Variants in CADM2 observed in about 807,000 individuals in gnomAD.
CADM2 encodes cell adhesion molecule 2, also known as immunoglobulin superfamily member 4D.
Under a neutral mutation model 49.8 loss-of-function variants are expected in CADM2, and 12 were observed. That is an observed-to-expected ratio of 0.24 (90% CI 0.15 to 0.39). The LOEUF (loss-of-function observed/expected upper bound fraction) is 0.39, where lower values mean the gene tolerates loss of function less well. CADM2 is among the 10% of genes least tolerant of loss of function. The probability of loss-of-function intolerance (pLI) is 1.00; values close to 1 mark genes in which losing one functional copy is unlikely to be tolerated. For synonymous variants in CADM2, 214 were observed against 175.4 expected (o/e 1.22, Z -1.74); for missense variants, 378 against 492.3 (o/e 0.77, Z 2.20).
chr3:85,294,458 C>A (rs953112563), intron 1 of CADM2, among the ~76,000 whole-genome samples: 4 of 151,796 alleles, frequency 2.6e-5, no homozygotes, highest in Non-Finnish European at 4.4e-5. Flanking sequence ...TCATATGGAA[C>A]CAAAAAAGAG....
chr3:85,355,096 C>G (rs1043750806), intron 1 of CADM2, among the ~76,000 whole-genome samples: 2 of 152,026 alleles, frequency 1.3e-5, no homozygotes, highest in Non-Finnish European at 2.9e-5. Context: ...CCTCATTGTG[C>G]ACACTCTGTG....
At chr3:85,665,814 T>C (rs1268762972) in intron 1 of CADM2, among the ~76,000 whole-genome samples, 1 of 151,996 alleles carries the variant, frequency 6.6e-6, no homozygotes, top group African/African-American at 2.4e-5. Flanking sequence ...TCCCGTCGTT[T>C]CCAACCTCAT....
chr3:85,385,668 G>A (rs183084962), intron 1 of CADM2: 12 of 151,012 alleles, frequency 7.9e-5, no homozygotes, highest in African/African-American at 2.9e-4. Flanking sequence ...TTTTAATTAT[G>A]TTCAACATTG....
chr3:85,835,165 C>T (rs889587437), intron 3 of CADM2, among the ~76,000 whole-genome samples: 1 of 151,532 alleles, frequency 6.6e-6, no homozygotes, highest in African/African-American at 2.4e-5. Flanking sequence ...TCTGCCACAG[C>T]TCTGGTATTT....
intron 1 of CADM2, among the ~76,000 whole-genome samples, chr3:85,397,415 A>G (rs2034845569): frequency 6.6e-6 from 1 of 152,202 alleles, no homozygotes; most frequent in Non-Finnish European, 1.5e-5. Context: ...GGAGATGGTC[A>G]GACACTTGTA....
chr3:86,048,267 T>C (rs1452164564), intron 8 of CADM2, among the ~76,000 whole-genome samples: 1 of 152,032 alleles, frequency 6.6e-6, no homozygotes, highest in Non-Finnish European at 1.5e-5. Flanking sequence ...TGTGTATATA[T>C]ATATGTACAG....
chr3:86,013,656 G>A (rs1731832108), intron 8 of CADM2: 6 of 1,603,152 alleles, frequency 3.7e-6, no homozygotes, highest in Admixed American at 1.7e-5. Flanking sequence ...CATAGCAGGG[G>A]AAGAGCACCT....
rs761282533 is a variant in CADM2, at chr3:85,961,624, C to T, written c.947C>T (p.Ala316Val). ...EATNTIGQSSAEYVLIVHDPN... is the reference protein window; with the variant it reads ...EATNTIGQSSVEYVLIVHDPN... ...ACAAACACCATTGGCCAAAGCAGTG[C>T]GGAATATGTTCTCATTGTGCATGGT... is the stretch of plus-strand genomic sequence containing the variant. Residue 316 changes from alanine (A) to valine (V), a missense_variant, in exon 8 of 10, where the codon GCG becomes GTG. Ala to Val is a moderately conservative substitution (Grantham distance 64). Coordinates refer to ENST00000383699, the MANE Select transcript of CADM2 (RefSeq NM_001167675.2). 1.9e-6 allele frequency: 3 copies of T among 1,584,414 alleles called. No homozygotes were observed. Among genetic ancestry groups the T allele is most frequent in the Non-Finnish European group, 2.6e-6 (3 of 1,160,094 alleles).
In CADM2 at chr3:85,216,388, TATTA is replaced by T. The variant is rs753978988; in HGVS notation, c.61+256725_61+256728del. Among the ~76,000 whole-genome samples, 29 of 139,422 alleles carry T rather than the reference TATTA, an allele frequency of 2.1e-4. 1 individual carries two copies. In the East Asian group the frequency reaches 2.9e-3, roughly 14 times the overall value. The allele number at this position is 139,422 out of a possible 152,430, so 91.5% of individuals were successfully genotyped here. A position where few individuals can be genotyped will look rare whatever the true frequency, so the allele number is the denominator to read the frequency against. ...TATATTTAATATTAATGTACACTTA[TATTA>T]ATTATTTATTACATTAATTTTACAT... On this transcript the variant is annotated intron_variant, in intron 1 of 9. Coordinates refer to ENST00000383699, the MANE Select transcript of CADM2 (RefSeq NM_001167675.2).
At chr3:85,136,197 T>C (rs1184306117) in intron 1 of CADM2, among the ~76,000 whole-genome samples, 3 of 151,936 alleles carry the variant, frequency 2.0e-5, no homozygotes, top group African/African-American at 7.2e-5. Flanking sequence ...TTGAGGAAAT[T>C]GGAGTTCTAA....
At chr3:85,112,808 T>G (rs1398123936) in intron 1 of CADM2, among the ~76,000 whole-genome samples, 1 of 151,780 alleles carries the variant, frequency 6.6e-6, no homozygotes, top group East Asian at 1.9e-4. Flanking sequence ...TTTGTAGATT[T>G]GCAAAGATAT....
intron 1 of CADM2, among the ~76,000 whole-genome samples, chr3:85,370,258 A>AATAATAATG (rs1298296185): frequency 6.8e-6 from 1 of 147,426 alleles, no homozygotes; most frequent in Non-Finnish European, 1.5e-5. Flanking sequence ...TAATAATAAT[A>AATAATAATG]AAATTTTAAA....
chr3:85,034,936 C>T (rs1014111488), intron 1 of CADM2, among the ~76,000 whole-genome samples: 1 of 151,134 alleles, frequency 6.6e-6, no homozygotes, highest in Non-Finnish European at 1.5e-5. Flanking sequence ...CCAAGTAGCT[C>T]GGATTACAAT....
chr3:85,926,968 G>T (rs1719959162), intron 6 of CADM2, among the ~76,000 whole-genome samples: 1 of 152,084 alleles, frequency 6.6e-6, no homozygotes, highest in African/African-American at 2.4e-5. Context: ...ATGTGATTAA[G>T]ATTGGAGAAA....
chr3:85,131,384 G>GT (rs200990668), intron 1 of CADM2, among the ~76,000 whole-genome samples: 4,653 of 152,264 alleles, frequency 0.031, 102 homozygotes, highest in South Asian at 0.043. Flanking sequence ...CAAAGACACA[G>GT]TTTTTTATTG....
chr3:86,039,866 G>T (rs1487559007), intron 8 of CADM2, among the ~76,000 whole-genome samples: 1 of 152,150 alleles, frequency 6.6e-6, no homozygotes, highest in Non-Finnish European at 1.5e-5. Context: ...ACATGGCTGG[G>T]TTCTCCTCTG....
intron 1 of CADM2, among the ~76,000 whole-genome samples, chr3:85,206,776 AATAC>A (rs943384348): frequency 1.3e-5 from 2 of 152,052 alleles, no homozygotes; most frequent in East Asian, 3.9e-4. Context: ...AATAAACATA[AATAC>A]ATTTATATCT....
intron 1 of CADM2, among the ~76,000 whole-genome samples, chr3:85,314,963 TAA>T (rs1269534225): frequency 2.0e-5 from 3 of 152,172 alleles, no homozygotes; most frequent in African/African-American, 7.2e-5. Flanking sequence ...TAAAACAATA[TAA>T]GTTTATTCTC....
chr3:85,033,632 G>A (rs978051546), intron 1 of CADM2, among the ~76,000 whole-genome samples: 6 of 152,178 alleles, frequency 3.9e-5, no homozygotes, highest in Non-Finnish European at 8.8e-5. Context: ...AAATGATCTA[G>A]AAAGGGAAAC....
Sources: allele counts gnomAD v4.1 joint callset (sites outside exome capture counted in the v4.1 genomes callset), GRCh38; gene constraint gnomAD v4.1.1; transcripts MANE v1.5; gene names NCBI Gene and HGNC (gene_info 2026-07-23, HGNC 2026-07-21).